The following RALYL variants were observed in gnomAD, a reference collection of about 807,000 sequenced individuals.
RALYL encodes the protein RNA-binding Raly-like protein.
A neutral mutation model predicts 35.1 loss-of-function variants in RALYL; 29 were observed. That is an observed-to-expected ratio of 0.83 (90% CI 0.61 to 1.13). The LOEUF (loss-of-function observed/expected upper bound fraction) is 1.13. Among genes scored for constraint, RALYL ranks in the 50% most tolerant of loss-of-function variants. The probability of loss-of-function intolerance (pLI) is 0.00; values close to 1 mark genes in which losing one functional copy is unlikely to be tolerated. For missense variants in RALYL, 359 were observed against 360.4 expected (o/e 1.00, Z 0.03); for synonymous variants, 120 against 127.6 (o/e 0.94, Z 0.40).
chr8:84,458,427 T>C (rs1175068737), intron 1 of RALYL, among the ~76,000 whole-genome samples: 1 of 151,852 alleles, frequency 6.6e-6, no homozygotes, highest in Non-Finnish European at 1.5e-5. Context: ...TTCTATACTG[T>C]ATCTAGAATT....
chr8:84,301,288 C>T (rs190785487), intron 1 of RALYL, among the ~76,000 whole-genome samples: 1 of 151,980 alleles, frequency 6.6e-6, no homozygotes, highest in East Asian at 1.9e-4. Flanking sequence ...GGTGACCTGA[C>T]CCTTCTTTCT....
At chr8:84,324,834 A>T (rs1586292346) in intron 1 of RALYL, among the ~76,000 whole-genome samples, 1 of 152,106 alleles carries the variant, frequency 6.6e-6, no homozygotes, top group East Asian at 1.9e-4. Context: ...TATTAAATTC[A>T]TAATTCTGTT....
chr8:84,806,301 A>G (rs188693105), intron 4 of RALYL, among the ~76,000 whole-genome samples: 2 of 152,300 alleles, frequency 1.3e-5, no homozygotes, highest in African/African-American at 4.8e-5. Flanking sequence ...ATCAGCTCCT[A>G]TTGTTAAAAA....
chr8:84,905,366 A>T (rs1199664422), intron 8 of RALYL, among the ~76,000 whole-genome samples: 1 of 152,184 alleles, frequency 6.6e-6, no homozygotes, highest in African/African-American at 2.4e-5. Context: ...GATTTTGAAT[A>T]GTGCTGTAAT....
At chr8:84,727,727 GT>G (rs1206932376) in intron 2 of RALYL, among the ~76,000 whole-genome samples, 2 of 149,960 alleles carry the variant, frequency 1.3e-5, no homozygotes, top group Admixed American at 6.8e-5. Context: ...GCCGTGTTTG[GT>G]TTTTTTGTTC....
intron 2 of RALYL, among the ~76,000 whole-genome samples, chr8:84,555,436 G>A (rs1284596000): frequency 6.6e-6 from 1 of 152,070 alleles, no homozygotes; most frequent in Non-Finnish European, 1.5e-5. Flanking sequence ...GCAGGTAGTG[G>A]CATGCTACAT....
At chr8:84,816,171 C>T (rs1827246277) in intron 4 of RALYL, among the ~76,000 whole-genome samples, 1 of 151,388 alleles carries the variant, frequency 6.6e-6, no homozygotes, top group Non-Finnish European at 1.5e-5. Flanking sequence ...AATGAAAACA[C>T]AAATGAGAAG....
rs1586775053 is a variant in RALYL at position 84,387,762 on chromosome 8, C to T, written c.-23-141537C>T. 2.6e-5 allele frequency among the ~76,000 whole-genome samples: 4 copies of T among 151,518 alleles called. No individual in the cohort carries two copies. The East Asian group carries it at 7.8e-4, about 29-fold the overall frequency. On this transcript the variant is annotated intron_variant, in intron 1 of 8. Transcript: ENST00000521268. ...ATTCCAGAATCTCCTTCTGCAGTTC[C>T]CTTACTTATTTGGGAAGGTGGTTCT... is the stretch of plus-strand genomic sequence containing the variant.
intron 1 of RALYL, among the ~76,000 whole-genome samples, chr8:84,270,170 G>A (rs886465150): frequency 6.6e-6 from 1 of 152,144 alleles, no homozygotes; most frequent in Non-Finnish European, 1.5e-5. Flanking sequence ...AGAACAAATT[G>A]TCTTTTACAC....
rs534232113 is a variant in RALYL, at chr8:84,726,842, G to A, written c.257-47737G>A. On this transcript the variant is annotated intron_variant, in intron 2 of 8. Coordinates refer to ENST00000521268, the MANE Select transcript of RALYL (RefSeq NM_173848.7). ...ATGTACTGTGCTAGGCCTTGTGAGGGTTGTAAATATAAATAAGGGCGATCC... is the reference window on the plus strand; with the variant it reads ...ATGTACTGTGCTAGGCCTTGTGAGGATTGTAAATATAAATAAGGGCGATCC... 6.6e-5 allele frequency among the ~76,000 whole-genome samples: 10 copies of A among 152,144 alleles called. No individual in the cohort carries two copies. The East Asian group carries it at 1.2e-3, about 18-fold the overall frequency.
chr8:84,214,693 G>T (rs187918024), intron 1 of RALYL, among the ~76,000 whole-genome samples: 210 of 152,146 alleles, frequency 1.4e-3, no homozygotes, highest in African/African-American at 4.8e-3. Context: ...GCTACTCGAA[G>T]TGTAGTCTAT....
intron 2 of RALYL, among the ~76,000 whole-genome samples, chr8:84,738,372 A>G (rs1252095713): frequency 6.6e-6 from 1 of 152,066 alleles, no homozygotes; most frequent in African/African-American, 2.4e-5. Flanking sequence ...AGTCAAGACC[A>G]TAGAACCACG....
chr8:84,466,154 C>T (rs904965104), intron 1 of RALYL, among the ~76,000 whole-genome samples: 5 of 131,198 alleles, frequency 3.8e-5, no homozygotes, highest in Non-Finnish European at 8.1e-5. Context: ...TGCCTAATTG[C>T]CCTGGCCAGA....
At chr8:84,384,651 G>A (rs1858780943) in intron 1 of RALYL, among the ~76,000 whole-genome samples, 2 of 151,654 alleles carry the variant, frequency 1.3e-5, no homozygotes, top group South Asian at 4.2e-4. Context: ...AAACTTGACT[G>A]TATGTCCCAT....
intron 3 of RALYL, among the ~76,000 whole-genome samples, chr8:84,778,498 A>C (rs1817376761): frequency 6.6e-6 from 1 of 152,250 alleles, no homozygotes; most frequent in South Asian, 2.1e-4. Context: ...AAGTATGCAT[A>C]CACTTCTGTA....
At chr8:84,896,088 C>G (rs191309088) in intron 8 of RALYL, among the ~76,000 whole-genome samples, 197 of 152,290 alleles carry the variant, frequency 1.3e-3, no homozygotes, top group African/African-American at 4.4e-3. Flanking sequence ...CTGCCCTCCC[C>G]CTTGAGGATG....
At chr8:84,361,002 T>C (rs1230375097) in intron 1 of RALYL, among the ~76,000 whole-genome samples, 2 of 151,344 alleles carry the variant, frequency 1.3e-5, no homozygotes, top group African/African-American at 2.4e-5. Context: ...GCCAGCACTT[T>C]GCCATTTTAA....
At chr8:84,449,939 C>T (rs933034589) in intron 1 of RALYL, among the ~76,000 whole-genome samples, 2 of 151,720 alleles carry the variant, frequency 1.3e-5, no homozygotes, top group Non-Finnish European at 2.9e-5. Context: ...ATCTATAATT[C>T]AGGGACCATA....
chr8:84,496,501 T>G (rs939799640), intron 1 of RALYL, among the ~76,000 whole-genome samples: 2 of 152,096 alleles, frequency 1.3e-5, no homozygotes, highest in Admixed American at 6.6e-5. Context: ...CTCACAACCA[T>G]GGCATTATTG....
Sources: allele counts gnomAD v4.1 joint callset (sites outside exome capture counted in the v4.1 genomes callset), GRCh38; gene constraint gnomAD v4.1.1; transcripts MANE v1.5; gene names NCBI Gene and HGNC (gene_info 2026-07-23, HGNC 2026-07-21).